KLRG1: variants seen among roughly 807,000 people sequenced by gnomAD.
KLRG1 encodes killer cell lectin-like receptor subfamily G member 1.
KLRG1 carries 16 observed loss-of-function variants against 21.8 expected under a neutral mutation model. That is an observed-to-expected ratio of 0.73 (90% CI 0.50 to 1.11). The LOEUF is 1.11. Ranked by LOEUF, KLRG1 falls within the 50% of genes most tolerant of loss-of-function variation. The pLI is 0.00. For missense variants in KLRG1, 173 were observed against 218.3 expected, an observed-to-expected ratio of 0.79 and a Z score of 1.31; for synonymous variants, 69 against 75.9, an observed-to-expected ratio of 0.91 and a Z score of 0.47.
chr12:9,157,237 A>G, the KLRG1 span: 6 of 1,613,954 alleles, frequency 3.7e-6, no homozygotes, highest in Non-Finnish European at 5.1e-6. Context: ...TTGCTTTCCC[A>G]GTAGGGAAAA....
the KLRG1 span, among the ~76,000 whole-genome samples, chr12:9,132,128 T>C: frequency 1.3e-5 from 2 of 152,324 alleles, no homozygotes; most frequent in East Asian, 3.9e-4. Context: ...GACAGCAAAG[T>C]AACAAGCAGG....
chr12:9,158,384 T>C, the KLRG1 span: 2 of 1,610,152 alleles, frequency 1.2e-6, no homozygotes, highest in African/African-American at 2.7e-5. Flanking sequence ...GTTATGTTGA[T>C]GTGTGTCAGG....
At chr12:8,953,315 G>A (rs1014879869) in intron 1 of KLRG1, among the ~76,000 whole-genome samples, 1 of 152,214 alleles carries the variant, frequency 6.6e-6, no homozygotes, top group Admixed American at 6.5e-5. Flanking sequence ...GGCATTTATG[G>A]ATTCAGAATG....
chr12:9,181,412 T>G, the KLRG1 span, among the ~76,000 whole-genome samples: 2 of 152,238 alleles, frequency 1.3e-5, no homozygotes, highest in African/African-American at 2.4e-5. Flanking sequence ...ATTAATTTTA[T>G]AACAAGCTTA....
chr12:9,196,396 A>C, the KLRG1 span: 1 of 1,613,896 alleles, frequency 6.2e-7, no homozygotes, highest in Admixed American at 1.7e-5. Context: ...GTTTGGATAC[A>C]ATGTTTGTGA....
the KLRG1 span, among the ~76,000 whole-genome samples, chr12:9,174,126 A>G: frequency 3.3e-5 from 5 of 152,218 alleles, no homozygotes; most frequent in Non-Finnish European, 7.3e-5. Flanking sequence ...AAGCTTATCC[A>G]CCACAACCAA....
chr12:9,111,866 T>C, the KLRG1 span: 2 of 441,074 alleles, frequency 4.5e-6, no homozygotes, highest in Admixed American at 6.3e-5. Context: ...CTTTGAGGAT[T>C]TTTCTGTGTC....
chr12:9,163,970 G>A, the KLRG1 span, among the ~76,000 whole-genome samples: 1 of 152,094 alleles, frequency 6.6e-6, no homozygotes, highest in Non-Finnish European at 1.5e-5. Context: ...GACTAGCTTG[G>A]GTGAGAACAG....
the KLRG1 span, among the ~76,000 whole-genome samples, chr12:9,033,748 G>A: frequency 2.0e-5 from 3 of 152,234 alleles, no homozygotes; most frequent in Non-Finnish European, 4.4e-5. Flanking sequence ...TGATGACAGG[G>A]TAAGGTGGGG....
the KLRG1 span, among the ~76,000 whole-genome samples, chr12:9,177,278 T>C: frequency 2.6e-5 from 4 of 152,316 alleles, no homozygotes; most frequent in East Asian, 1.9e-4. Flanking sequence ...AGTTGTCACA[T>C]TGTGGGACAC....
At chr12:9,089,252 C>A in the KLRG1 span, 1 of 1,580,204 alleles carries the variant, frequency 6.3e-7, no homozygotes, top group South Asian at 1.2e-5. Context: ...GTCCTTCAGG[C>A]TTTAGGTAAA....
At chr12:8,977,453 A>T (rs1280976798) in intron 1 of KLRG1, among the ~76,000 whole-genome samples, 1 of 146,442 alleles carries the variant, frequency 6.8e-6, no homozygotes, top group Non-Finnish European at 1.5e-5. Flanking sequence ...TGACCTTGTG[A>T]TCTGCCCGCC....
chr12:9,164,063 T>C, the KLRG1 span: 1 of 1,496,978 alleles, frequency 6.7e-7, no homozygotes, highest in Non-Finnish European at 9.1e-7. Context: ...AGAGAGAATA[T>C]GATGAAAAAA....
the KLRG1 span, among the ~76,000 whole-genome samples, chr12:9,105,928 G>T: frequency 6.6e-6 from 1 of 152,084 alleles, no homozygotes; most frequent in Non-Finnish European, 1.5e-5. Context: ...AGACTGCCTG[G>T]TAAACCATGA....
At chr12:9,073,899 G>C in the KLRG1 span, among the ~76,000 whole-genome samples, 1 of 151,964 alleles carries the variant, frequency 6.6e-6, no homozygotes, top group East Asian at 1.9e-4. Flanking sequence ...ATCAGCCTGG[G>C]CAACATGGCA....
the KLRG1 span, among the ~76,000 whole-genome samples, chr12:9,147,684 C>A: frequency 6.6e-6 from 1 of 152,172 alleles, no homozygotes; most frequent in Non-Finnish European, 1.5e-5. Context: ...CACTTCTCCA[C>A]TCATGTATCT....
the KLRG1 span, chr12:9,168,640 G>C: frequency 2.3e-6 from 1 of 433,452 alleles, no homozygotes; most frequent in Non-Finnish European, 4.1e-6. Context: ...TCAGAATCTT[G>C]TATTTTATCT....
chr12:9,001,148 CAATCTT>C (rs1043288287), intron 3 of KLRG1, among the ~76,000 whole-genome samples: 31 of 152,102 alleles, frequency 2.0e-4, no homozygotes, highest in African/African-American at 7.2e-4. Flanking sequence ...TATTTTTACT[CAATCTT>C]GAGACATGTT....
chr12:9,209,738 A>C, the KLRG1 span, among the ~76,000 whole-genome samples: 2 of 152,066 alleles, frequency 1.3e-5, no homozygotes, highest in Non-Finnish European at 2.9e-5. Context: ...GTATTCTTCA[A>C]GATGTGTTTA....
Sources: allele counts gnomAD v4.1 joint callset (sites outside exome capture counted in the v4.1 genomes callset), GRCh38; gene constraint gnomAD v4.1.1; transcripts MANE v1.5; gene names NCBI Gene and HGNC (gene_info 2026-07-23, HGNC 2026-07-21).